Variants in PLCB4 observed in about 807,000 individuals in gnomAD.
The protein encoded by PLCB4 is phospholipase C beta 4.
Under a neutral mutation model 178.8 loss-of-function variants are expected in PLCB4, and 77 were observed. That is an observed-to-expected ratio of 0.43 (90% confidence interval 0.36 to 0.52). PLCB4 has a LOEUF of 0.52. PLCB4 is among the 20% of genes least tolerant of loss of function. The pLI, the probability that PLCB4 is intolerant of heterozygous loss-of-function variation, is 0.00. For missense variants in PLCB4, 1,024 were observed against 1,453.4 expected, an observed-to-expected ratio of 0.70 and a Z score of 4.80; for synonymous variants, 496 against 490.8, an observed-to-expected ratio of 1.01 and a Z score of -0.14.
At chr20:9,272,977 T>C (rs1268664075) in intron 3 of PLCB4, among the ~76,000 whole-genome samples, 1 of 151,880 alleles carries the variant, frequency 6.6e-6, no homozygotes, top group Non-Finnish European at 1.5e-5. Flanking sequence ...TTTTGGAAAA[T>C]ACTTTAAAGT....
chr20:9,144,689 GAGGAGGGGA>G (rs1568831248), intron 2 of PLCB4, among the ~76,000 whole-genome samples: 1 of 102,920 alleles, frequency 9.7e-6, no homozygotes, highest in African/African-American at 3.9e-5. Flanking sequence ...GAAGGAGGGG[GAGGAGGGGA>G]AGGAGGGGAA....
intron 2 of PLCB4, among the ~76,000 whole-genome samples, chr20:9,203,508 T>A (rs2093576151): frequency 6.6e-6 from 1 of 152,234 alleles, no homozygotes; most frequent in South Asian, 2.1e-4. Flanking sequence ...ACAGATCATT[T>A]TCTCTATATG....
At chr20:9,470,589 G>A (rs975497180) in intron 36 of PLCB4, among the ~76,000 whole-genome samples, 3 of 152,132 alleles carry the variant, frequency 2.0e-5, no homozygotes, top group Admixed American at 6.6e-5. Context: ...ACTTTAGCTC[G>A]GTTGAGGTCA....
chr20:9,238,364 G>A (rs1197351123), intron 3 of PLCB4, among the ~76,000 whole-genome samples: 1 of 152,142 alleles, frequency 6.6e-6, no homozygotes, highest in East Asian at 1.9e-4. Context: ...GTGGGTGCAG[G>A]CTGCTGCACA....
intron 7 of PLCB4, among the ~76,000 whole-genome samples, chr20:9,341,711 C>T (rs1483094420): frequency 1.3e-5 from 2 of 151,556 alleles, no homozygotes; most frequent in Non-Finnish European, 2.9e-5. Flanking sequence ...ATAGTTCAAA[C>T]CCATGTTGTT....
Position 9,077,244 on chromosome 20 carries a change from A to G in PLCB4, c.-135+8038A>G, listed in dbSNP as rs191672334. Among the ~76,000 whole-genome samples the G allele has an allele frequency of 2.3e-3, 349 of 152,320 alleles. 1 individual carries two copies. Among genetic ancestry groups the G allele is most frequent in the Non-Finnish European group, 5.9e-4 (40 of 68,020 alleles). ...TGTGGACACTATTGCAAACTGAAAG[A>G]TTCAAGATCTTTGTTCGTAGGTCTT... On this transcript the variant is annotated intron_variant, in intron 1 of 39. Transcript: ENST00000378473.
At chr20:9,267,653 A>G (rs2094362407) in intron 3 of PLCB4, among the ~76,000 whole-genome samples, 1 of 152,150 alleles carries the variant, frequency 6.6e-6, no homozygotes, top group Non-Finnish European at 1.5e-5. Context: ...ACATGAAAAT[A>G]TGTAGAAAAA....
At chr20:9,453,987 C>T (rs763887534) in intron 33 of PLCB4, among the ~76,000 whole-genome samples, 2 of 152,140 alleles carry the variant, frequency 1.3e-5, no homozygotes, top group African/African-American at 4.8e-5. Context: ...CCAGTTTTTC[C>T]ACAAGTGCTT....
intron 7 of PLCB4, among the ~76,000 whole-genome samples, chr20:9,346,329 A>T (rs908903918): frequency 6.6e-6 from 1 of 152,188 alleles, no homozygotes; most frequent in African/African-American, 2.4e-5. Context: ...AATCACTAAC[A>T]TTTATATCCT....
intron 4 of PLCB4, among the ~76,000 whole-genome samples, chr20:9,320,726 A>G (rs73609455): frequency 0.023 from 3,556 of 152,318 alleles, 154 homozygotes; most frequent in African/African-American, 0.081. Flanking sequence ...GAGGTTTCAC[A>G]GGCTGGTTAC....
intron 3 of PLCB4, among the ~76,000 whole-genome samples, chr20:9,294,777 T>A (rs1439077537): frequency 6.6e-6 from 1 of 152,084 alleles, no homozygotes; most frequent in Non-Finnish European, 1.5e-5. Context: ...CTGATTTAGG[T>A]CTGGATGGGG....
rs142374665 is a variant in PLCB4, at chr20:9,413,269, AG to A, written c.2051+2183del. Among the ~76,000 whole-genome samples the A allele has an allele frequency of 7.2e-3, 1,102 of 152,266 alleles. 13 individuals are homozygous for A. The highest frequency in any genetic ancestry group is 0.026 in the African/African-American group (1,060 of 41,550). The stretch of plus-strand genomic sequence containing the variant: ...GCCATCAGCTGTCTAACATGCCATG[AG>A]GAATCCTGGCAGCCTGGCCGGATGC... On this transcript the variant is annotated intron_variant, in intron 25 of 39. Transcript: ENST00000378473.
chr20:9,156,451 C>A (rs545619249), intron 2 of PLCB4, among the ~76,000 whole-genome samples: 37 of 152,202 alleles, frequency 2.4e-4, no homozygotes, highest in African/African-American at 7.9e-4. Flanking sequence ...TTGCACAGAC[C>A]TGAGGTTTGC....
chr20:9,168,981 C>A (rs1600858031), intron 2 of PLCB4, among the ~76,000 whole-genome samples: 1 of 152,136 alleles, frequency 6.6e-6, no homozygotes, highest in African/African-American at 2.4e-5. Flanking sequence ...AAGCTCAAGT[C>A]TCCCTTTGCG....
At chr20:9,442,964 C>T (rs1602761899) in intron 30 of PLCB4, among the ~76,000 whole-genome samples, 1 of 152,156 alleles carries the variant, frequency 6.6e-6, no homozygotes, top group Non-Finnish European at 1.5e-5. Context: ...CTTTGGGATT[C>T]TAATGGAAAT....
chr20:9,073,509 T>C (rs1300543395), intron 1 of PLCB4, among the ~76,000 whole-genome samples: 1 of 152,178 alleles, frequency 6.6e-6, no homozygotes. Flanking sequence ...ACATATCCCT[T>C]TAAAGAGTTA....
intron 32 of PLCB4, among the ~76,000 whole-genome samples, chr20:9,450,681 G>A (rs762368091): frequency 2.3e-5 from 2 of 87,190 alleles, no homozygotes; most frequent in African/African-American, 8.3e-5. Context: ...TTTTTTTTGA[G>A]ATGGAGTCTT....
At chr20:9,446,441 C>T (rs1348112260) in intron 32 of PLCB4, among the ~76,000 whole-genome samples, 1 of 152,188 alleles carries the variant, frequency 6.6e-6, no homozygotes, top group African/African-American at 2.4e-5. Context: ...AGGAAGGATG[C>T]CCCTCAATTT....
At chr20:9,087,165 T>C (rs2090467800) in intron 1 of PLCB4, among the ~76,000 whole-genome samples, 1 of 152,228 alleles carries the variant, frequency 6.6e-6, no homozygotes, top group Non-Finnish European at 1.5e-5. Flanking sequence ...TTAGTCCATT[T>C]ACATTTAAAG....
Sources: gnomAD v4.1 joint callset for allele counts (sites outside exome capture counted in the v4.1 genomes callset) on GRCh38, gnomAD v4.1.1 for gene constraint, MANE v1.5 for transcripts, NCBI Gene and HGNC (gene_info 2026-07-23, HGNC 2026-07-21) for gene names.